HID1: variants seen among roughly 807,000 people sequenced by gnomAD.
HID1 encodes the protein protein HID1.
HID1 carries 42 observed loss-of-function variants against 89.7 expected under a neutral mutation model. The ratio of observed to expected loss-of-function variants is 0.47; its 90% CI spans 0.37 to 0.61. HID1 has a LOEUF of 0.61. Among genes scored for constraint, HID1 ranks in the 20% least tolerant of loss-of-function variants. The pLI, the probability that HID1 is intolerant of heterozygous loss-of-function variation, is 0.00. For synonymous variants in HID1, 442 were observed against 433.8 expected, an observed-to-expected ratio of 1.02 and a Z score of -0.24; for missense variants, 854 against 1,039.3, an observed-to-expected ratio of 0.82 and a Z score of 2.45.
rs538923973 is a variant in HID1, at chr17:74,968,436, G to A, written c.67-3804C>T. Among the ~76,000 whole-genome samples the A allele has an allele frequency of 2.2e-4, 33 of 152,188 alleles. 2 individuals are homozygous for A. In the South Asian group the frequency reaches 6.2e-3, roughly 29 times the overall value. ...AGTTGGGGTCGCATGCCTCACCAAG[G>A]TCCAGGCATACCCCAGCCCACTCCC... On this transcript the variant is annotated intron_variant, in intron 1 of 18. Transcript: ENST00000425042.
In HID1 at chr17:74,964,486, G is replaced by A; in HGVS notation, c.213C>T (p.Tyr71=). ...ESPSNLATLC[Y]KAVEKLVQGA... Reference sequence around the variant, plus strand: ...GGAGGGACTGGGCAGCCCTCACCTTGTAGCACAGGGTGGCCAAGTTGGAGG... The same window carrying A: ...GGAGGGACTGGGCAGCCCTCACCTTATAGCACAGGGTGGCCAAGTTGGAGG... Residue 71 remains tyrosine, a synonymous_variant, in exon 2 of 19, where the codon TAC becomes TAT. Coordinates refer to ENST00000425042, the MANE Select transcript of HID1 (RefSeq NM_030630.3). 1 of 1,609,290 alleles carries A rather than the reference G, an allele frequency of 6.2e-7. No individual in the cohort carries two copies. The highest frequency in any genetic ancestry group is 8.5e-7 in the Non-Finnish European group (1 of 1,178,158).
chr17:74,954,238 C>T lies in HID1; in HGVS notation c.1764G>A (p.Leu588=). ...TGCCCTCCTGGGAGCCGGTGCGAGA[C>T]AAGGGCTCAGGTGTCCGCCGGCGCC... ...LQRRRRTPEP[L]SRTGSQEGTS... is the part of the protein sequence containing the mutation. The change falls in exon 14 of 19, where the codon TTG becomes TTA. Residue 588 remains leucine, a synonymous_variant. Transcript: ENST00000425042. The T allele has an allele frequency of 6.3e-7, 1 of 1,594,790 alleles. No individual in the cohort carries two copies.
chr17:74,962,954 G>T lies in HID1; in HGVS notation c.504+11C>A, dbSNP rs2039505864. 6.3e-7 allele frequency: 1 copy of T among 1,591,920 alleles called. No individual in the cohort carries two copies. Among genetic ancestry groups the T allele is most frequent in the African/African-American group, 1.3e-5 (1 of 74,454 alleles). On this transcript the variant is annotated intron_variant, in intron 4 of 18. Coordinates refer to ENST00000425042, the MANE Select transcript of HID1 (RefSeq NM_030630.3). The surrounding 1 kb of genome is among the most constrained non-coding windows in gnomAD (Gnocchi z 4.3). ...ACTCCGCCTGGGGGTGGGGGGCTGG[G>T]GGACACTCACCACAGTGCTCCTCCG...
rs777877552 is a variant in HID1 at position 74,958,898 on chromosome 17, G to A, written c.1149+13C>T. On this transcript the variant is annotated intron_variant, in intron 9 of 18. Coordinates refer to ENST00000425042, the MANE Select transcript of HID1 (RefSeq NM_030630.3). This position sits in a 1 kb window ranked among gnomAD's most constrained non-coding sequence, Gnocchi z 5.2. ...TCTCCATCTCCCTGCAGGGCCCCTC[G>A]AGGCTGGCCCACCTTGTTGAAGTCG... The A allele has an allele frequency of 1.3e-5, 21 of 1,585,248 alleles. No homozygotes were observed. The highest frequency in any genetic ancestry group is 1.7e-5 in the Non-Finnish European group (20 of 1,167,836).
rs751732202 is a variant in HID1, at chr17:74,959,179, G to T, written c.1009-128C>A. On this transcript the variant is annotated intron_variant, in intron 8 of 18. Transcript: ENST00000425042. The surrounding 1 kb of genome is among the most constrained non-coding windows in gnomAD (Gnocchi z 4.6). The stretch of plus-strand genomic sequence containing the variant: ...CAGATCCCACCTCCAGAGCCAGAGG[G>T]CCCAGATGCTATCACCCATAGCTGT... 1.2e-4 allele frequency: 138 copies of T among 1,105,436 alleles called. No individual in the cohort carries two copies. The highest frequency in any genetic ancestry group is 1.5e-4 in the Non-Finnish European group (122 of 805,116). 68.5% of individuals were successfully genotyped at this position (1,105,436 alleles called of 1,614,324 possible). A position where few individuals can be genotyped will look rare whatever the true frequency, so the allele number is the denominator to read the frequency against.
chr17:74,958,809 G>A lies in HID1; in HGVS notation c.1150-46C>T, dbSNP rs1334401367. 4 of 1,601,418 alleles carry A rather than the reference G, an allele frequency of 2.5e-6. No homozygotes were observed. Among genetic ancestry groups the A allele is most frequent in the East Asian group, 4.5e-5 (2 of 44,712 alleles). Reference sequence around the variant, plus strand: ...CAAGTGGGCTGAGTTCAAGGGAGGGGCAGCTCTGCCCCACCCCCCTCAGTC... The same window carrying A: ...CAAGTGGGCTGAGTTCAAGGGAGGGACAGCTCTGCCCCACCCCCCTCAGTC... On this transcript the variant is annotated intron_variant, in intron 9 of 18. Transcript: ENST00000425042. The surrounding 1 kb of genome is among the most constrained non-coding windows in gnomAD (Gnocchi z 5.2).
In HID1 at chr17:74,960,156, G is replaced by A. The variant is rs751735488; in HGVS notation, c.821C>T (p.Ser274Phe). The change falls in exon 7 of 19, where the codon TCT (serine) becomes TTT (phenylalanine). Residue 274 changes from serine to phenylalanine, a missense_variant. By Grantham distance (155) the Ser-to-Phe change is radical. Transcript: ENST00000425042. Reference sequence around the variant, plus strand: ...CTCCACCAGGGGTTCCCGGTAGTCAGAGAAGAGCAGGTGGTTGTAGGGGAT... The same window carrying A: ...CTCCACCAGGGGTTCCCGGTAGTCAAAGAAGAGCAGGTGGTTGTAGGGGAT... ...YGIPYNHLLF[S>F]DYREPLVEEA... is the part of the protein sequence containing the mutation. 1.2e-6 allele frequency: 2 copies of A among 1,614,060 alleles called. No homozygotes were observed. The highest frequency in any genetic ancestry group is 1.1e-5 in the South Asian group (1 of 91,088).
chr17:74,951,973 G>A lies in HID1; in HGVS notation c.2235C>T (p.Arg745=). Residue 745 remains arginine, a synonymous_variant, in exon 18 of 19, where the codon CGC becomes CGT. Coordinates refer to ENST00000425042, the MANE Select transcript of HID1 (RefSeq NM_030630.3). ...LLPVPHPILI[R]KYQANSGTAM... is the part of the protein sequence containing the mutation. ...CAGTGCCCGAGTTGGCCTGGTACTT[G>A]CGGATGAGGATGGGGTGGGGCACGG... 1 of 1,563,318 alleles carries A rather than the reference G, an allele frequency of 6.4e-7. No individual in the cohort carries two copies.
chr17:74,957,677 A>G (rs1250311905), intron 12 of HID1, among the ~76,000 whole-genome samples: 1 of 151,836 alleles, frequency 6.6e-6, no homozygotes, highest in African/African-American at 2.4e-5. Context: ...AGGTGGGCAT[A>G]TCATCTGAGG....
At chr17:74,965,982 T>C (rs970759151) in intron 1 of HID1, among the ~76,000 whole-genome samples, 1 of 150,458 alleles carries the variant, frequency 6.6e-6, no homozygotes, top group Non-Finnish European at 1.5e-5. Flanking sequence ...TGTTAAATTA[T>C]ACATGAATAA....
At position 74,962,959 on chromosome 17, in the gene HID1, A is replaced by C. The variant is rs1447300712; in HGVS notation, c.504+6T>G. The C allele has an allele frequency of 3.7e-6, 6 of 1,600,446 alleles. No homozygotes were observed. In the East Asian group the frequency reaches 1.3e-4, roughly 36 times the overall value. ...GCCTGGGGGTGGGGGGCTGGGGGAC[A>C]CTCACCACAGTGCTCCTCCGGTGGC... On this transcript the variant is annotated splice_donor_region_variant and intron_variant, in intron 4 of 18. Coordinates refer to ENST00000425042, the MANE Select transcript of HID1 (RefSeq NM_030630.3). The surrounding 1 kb of genome is among the most constrained non-coding windows in gnomAD (Gnocchi z 4.3).
rs762368807 is a variant in HID1 at position 74,964,630 on chromosome 17, G to A, written c.69C>T (p.Pro23=). 14 of 1,610,774 alleles carry A rather than the reference G, an allele frequency of 8.7e-6. No individual in the cohort carries two copies. Among genetic ancestry groups the A allele is most frequent in the Admixed American group, 6.7e-5 (4 of 59,576 alleles). ...AVIQLTTKTQ[P]VEATDDAFWD... The stretch of plus-strand genomic sequence containing the variant: ...AAAAGGCATCATCGGTGGCTTCCAC[G>A]GGCTGTGGGGGGACCAAGGGTCCAG... The change falls in exon 2 of 19, where the codon CCC becomes CCT. Residue 23 remains proline, a splice_region_variant and synonymous_variant. Coordinates refer to ENST00000425042, the MANE Select transcript of HID1 (RefSeq NM_030630.3).
Position 74,954,219 on chromosome 17 carries a change from C to T in HID1, c.1783G>A (p.Glu595Lys), listed in dbSNP as rs551459004. The change falls in exon 14 of 19, where the codon GAG becomes AAG. Residue 595 changes from glutamate (E) to lysine (K), a missense_variant. Glu to Lys is a moderately conservative substitution (Grantham distance 56, BLOSUM62 1). Transcript: ENST00000425042. Reference protein sequence around the residue: ...PEPLSRTGSQEGTSMEGSRPA... With the variant: ...PEPLSRTGSQKGTSMEGSRPA... ...CGGGAGCCCTCCATGGAGGTGCCCT[C>T]CTGGGAGCCGGTGCGAGACAAGGGC... 29 of 1,597,578 alleles carry T rather than the reference C, an allele frequency of 1.8e-5. No individual in the cohort carries two copies. In the South Asian group the frequency reaches 3.0e-4, roughly 16 times the overall value.
At position 74,962,983 on chromosome 17, in the gene HID1, G is replaced by A; in HGVS notation, c.486C>T (p.Ser162=). 2 of 1,612,986 alleles carry A rather than the reference G, an allele frequency of 1.2e-6. No homozygotes were observed. The highest frequency in any genetic ancestry group is 1.7e-6 in the Non-Finnish European group (2 of 1,179,294). The change falls in exon 4 of 19, where the codon AGC becomes AGT. Residue 162 remains serine (S), a synonymous_variant. Coordinates refer to ENST00000425042, the MANE Select transcript of HID1 (RefSeq NM_030630.3). The surrounding 1 kb of genome is among the most constrained non-coding windows in gnomAD (Gnocchi z 4.3). The part of the protein sequence containing the change: ...LLFCPDFTVQ[S]HRRSTVDSAE... Reference sequence around the variant, plus strand: ...CACTCACCACAGTGCTCCTCCGGTGGCTCTGAACCGTGAAGTCCGGGCAGA... The same window carrying A: ...CACTCACCACAGTGCTCCTCCGGTGACTCTGAACCGTGAAGTCCGGGCAGA...
chr17:74,964,030 A>G, intron 2 of HID1, 120 bp from the exon 3 acceptor site: 1 of 1,041,136 alleles, frequency 9.6e-7, no homozygotes. Context: ...CAGGCTGCAG[A>G]GGAGAGACAG....
intron 1 of HID1, among the ~76,000 whole-genome samples, chr17:74,966,850 T>A (rs956960178): frequency 1.3e-5 from 2 of 151,986 alleles, no homozygotes; most frequent in Non-Finnish European, 2.9e-5. Flanking sequence ...GAGGCTAAGG[T>A]GGGAGGATCC....
rs151120357 is a variant in HID1 at position 74,959,460 on chromosome 17, T to C, written c.1009-409A>G. Among the ~76,000 whole-genome samples the C allele has an allele frequency of 2.1e-3, 324 of 152,230 alleles. 3 individuals carry two copies. Among genetic ancestry groups the C allele is most frequent in the African/African-American group, 7.2e-3 (301 of 41,520 alleles). On this transcript the variant is annotated intron_variant, in intron 8 of 18. Transcript: ENST00000425042. This position sits in a 1 kb window ranked among gnomAD's most constrained non-coding sequence, Gnocchi z 4.6. ...TCACAACTCGAGGAGCATTCCACTG[T>C]TCTGTCATTTACTGAGGCCTGCCAC...
chr17:74,952,122 C>A (rs1463544728), intron 17 of HID1, 59 bp from the exon 18 acceptor site: 2 of 1,535,018 alleles, frequency 1.3e-6, no homozygotes, highest in Non-Finnish European at 1.8e-6. Flanking sequence ...ACGGGGCTCA[C>A]CCTGGCCACC....
chr17:74,965,626 C>T (rs1317112764), intron 1 of HID1, among the ~76,000 whole-genome samples: 2 of 152,164 alleles, frequency 1.3e-5, no homozygotes. Flanking sequence ...GCCTTAAAAA[C>T]ACACATGCCC....
Sources: gnomAD v4.1 joint callset for allele counts (sites outside exome capture counted in the v4.1 genomes callset) on GRCh38, gnomAD v4.1.1 for gene constraint, Gnocchi (gnomAD v3.1) non-coding constraint, MANE v1.5 for transcripts, NCBI Gene and HGNC (gene_info 2026-07-23, HGNC 2026-07-21) for gene names.